The following CRTAP variants were observed in gnomAD, a reference collection of about 807,000 sequenced individuals.
CRTAP encodes the protein cartilage-associated protein.
A neutral mutation model predicts 42.7 loss-of-function variants in CRTAP; 33 were observed. That is an observed-to-expected ratio of 0.77 (90% confidence interval 0.59 to 1.03). CRTAP has a LOEUF of 1.03. CRTAP is among the 50% of genes least tolerant of loss of function. The pLI, the probability that CRTAP is intolerant of heterozygous loss-of-function variation, is 0.00. For missense variants in CRTAP, 613 were observed against 533.9 expected (o/e 1.15, Z -1.46); for synonymous variants, 243 against 217.7 (o/e 1.12, Z -1.02).
chr3:33,137,617 A>G (rs1473020821), intron 6 of CRTAP, among the ~76,000 whole-genome samples: 1 of 152,224 alleles, frequency 6.6e-6, no homozygotes, highest in Non-Finnish European at 1.5e-5. Flanking sequence ...TATCAGATAT[A>G]TGAATTGTAG....
intron 3 of CRTAP, among the ~76,000 whole-genome samples, chr3:33,126,390 A>G (rs1195515949): frequency 6.6e-6 from 1 of 152,082 alleles, no homozygotes; most frequent in Admixed American, 6.6e-5. Context: ...AGAGATTCCC[A>G]TGGTCTGGGT....
chr3:33,145,623 A>T lies in CRTAP; in HGVS notation c.*3175A>T, dbSNP rs1426219688. The T allele has an allele frequency of 6.6e-6, 1 of 152,330 alleles. No individual in the cohort carries two copies. Among genetic ancestry groups the T allele is most frequent in the Non-Finnish European group, 1.5e-5 (1 of 68,126 alleles). The allele number at this position is 152,330 out of a possible 1,614,324, so 9.4% of individuals were successfully genotyped here. A position where few individuals can be genotyped will look rare whatever the true frequency, so the allele number is the denominator to read the frequency against. On this transcript the variant is annotated 3_prime_UTR_variant, in exon 7 of 7. Transcript: ENST00000320954. The surrounding 1 kb of genome is among the most constrained non-coding windows in gnomAD (Gnocchi z 4.3). ...TGAGTCTGTAAATAGTGTGCCCAGC[A>T]GCTGTGAACTCCCCTTATAGCCTCA...
intron 1 of CRTAP, among the ~76,000 whole-genome samples, chr3:33,118,046 C>T (rs1021340247): frequency 7.9e-5 from 12 of 151,982 alleles, no homozygotes; most frequent in African/African-American, 2.9e-4. Context: ...CTGCAACCTC[C>T]GCCCCCCGGG....
At chr3:33,128,026 G>A (rs2030131345) in intron 3 of CRTAP, among the ~76,000 whole-genome samples, 1 of 152,106 alleles carries the variant, frequency 6.6e-6, no homozygotes, top group African/African-American at 2.4e-5. Context: ...GGGATTATAG[G>A]CTTGAGCCAC....
At chr3:33,142,316 C>G in intron 6 of CRTAP, 79 bp from the exon 7 acceptor site, 1 of 1,334,766 alleles carries the variant, frequency 7.5e-7, no homozygotes, top group East Asian at 2.3e-5. Flanking sequence ...GATGGCCTCT[C>G]GGGATACTGT....
At chr3:33,138,360 T>C (rs568314978) in intron 6 of CRTAP, among the ~76,000 whole-genome samples, 1 of 152,192 alleles carries the variant, frequency 6.6e-6, no homozygotes, top group Non-Finnish European at 1.5e-5. Context: ...TAATATTGTC[T>C]TCTAATCCAT....
rs200329563 is a variant in CRTAP at position 33,129,539 on chromosome 3, T to C, written c.794-400T>C. ...GTTGAAAATATTTTTCTTTTTCTTT[T>C]TTTTTTTTTTTTTTTGGAGACGGAG... On this transcript the variant is annotated intron_variant, in intron 3 of 6. Coordinates refer to ENST00000320954, the MANE Select transcript of CRTAP (RefSeq NM_006371.5). Among the ~76,000 whole-genome samples, 120 of 144,444 alleles carry C rather than the reference T, an allele frequency of 8.3e-4. 1 individual carries two copies. In the East Asian group the frequency reaches 0.022, roughly 27 times the overall value. 94.8% of individuals were successfully genotyped at this position (144,444 alleles called of 152,430 possible).
chr3:33,125,503 T>TG (rs1268369767), intron 3 of CRTAP, among the ~76,000 whole-genome samples: 3 of 146,396 alleles, frequency 2.0e-5, no homozygotes, highest in South Asian at 4.4e-4. Context: ...TTTTTTTTTT[T>TG]TTTTTTTTTT....
intron 6 of CRTAP, among the ~76,000 whole-genome samples, chr3:33,136,650 G>A (rs2030425946): frequency 1.3e-5 from 2 of 152,180 alleles, no homozygotes; most frequent in Admixed American, 1.3e-4. Context: ...GGCTTCTGGT[G>A]AGGTCTCAGG....
At position 33,146,072 on chromosome 3, in the gene CRTAP, A is replaced by G. The variant is rs1431716110; in HGVS notation, c.*3624A>G. 2.0e-5 allele frequency: 3 copies of G among 151,968 alleles called. No homozygotes were observed. The highest frequency in any genetic ancestry group is 4.4e-5 in the Non-Finnish European group (3 of 68,006). The allele number at this position is 151,968 out of a possible 1,614,324, so 9.4% of individuals were successfully genotyped here. A position where few individuals can be genotyped will look rare whatever the true frequency, so the allele number is the denominator to read the frequency against. The stretch of plus-strand genomic sequence containing the variant: ...CTGGGCTGGGTCTTCCAAACCTACC[A>G]TGAAACCCTGGTGTGCAGGCTGCAC... On this transcript the variant is annotated 3_prime_UTR_variant, in exon 7 of 7. Transcript: ENST00000320954.
chr3:33,120,454 C>T lies in CRTAP; in HGVS notation c.582C>T (p.Ala194=), dbSNP rs149165428. ...NMAYYKSLPG[A]EDYIKDLETK... Reference sequence around the variant, plus strand: ...CATATTATAAGAGCCTGCCTGGTGCCGAGGACTACATTAAAGACCTGGAAA... The same window carrying T: ...CATATTATAAGAGCCTGCCTGGTGCTGAGGACTACATTAAAGACCTGGAAA... Residue 194 remains alanine, a synonymous_variant, in exon 2 of 7, where the codon GCC becomes GCT. Coordinates refer to ENST00000320954, the MANE Select transcript of CRTAP (RefSeq NM_006371.5). 70 of 1,610,986 alleles carry T rather than the reference C, an allele frequency of 4.3e-5. No individual in the cohort carries two copies. The highest frequency in any genetic ancestry group is 1.1e-4 in the South Asian group (10 of 91,002).
intron 6 of CRTAP, among the ~76,000 whole-genome samples, chr3:33,135,566 A>G (rs1322436421): frequency 6.6e-6 from 1 of 151,670 alleles, no homozygotes; most frequent in African/African-American, 2.4e-5. Flanking sequence ...ATATTGCGCC[A>G]TTGCACTCCA....
At chr3:33,125,858 G>T (rs183474870) in intron 3 of CRTAP, among the ~76,000 whole-genome samples, 2 of 152,262 alleles carry the variant, frequency 1.3e-5, no homozygotes, top group Admixed American at 1.3e-4. Context: ...TTTCAGAAAT[G>T]TCATAAATAC....
chr3:33,135,198 A>G (rs2030385334), intron 6 of CRTAP, among the ~76,000 whole-genome samples: 1 of 152,220 alleles, frequency 6.6e-6, no homozygotes, highest in Non-Finnish European at 1.5e-5. Context: ...AAGTGATGCA[A>G]TGCCTATGTC....
At chr3:33,121,411 C>CAAAAAAAAAAA (rs59483352) in intron 2 of CRTAP, among the ~76,000 whole-genome samples, 11 of 147,528 alleles carry the variant, frequency 7.5e-5, no homozygotes, top group African/African-American at 2.9e-4. Flanking sequence ...GACTCTGTCT[C>CAAAAAAAAAAA]AAAAAAAATG....
intron 3 of CRTAP, among the ~76,000 whole-genome samples, chr3:33,129,504 C>A (rs1209985957): frequency 6.7e-6 from 1 of 149,334 alleles, no homozygotes; most frequent in African/African-American, 2.5e-5. Context: ...ATTTTCAGCT[C>A]CTTGTAGGTG....
At chr3:33,131,901 G>A (rs1313278411) in intron 4 of CRTAP, among the ~76,000 whole-genome samples, 5 of 152,078 alleles carry the variant, frequency 3.3e-5, no homozygotes, top group African/African-American at 1.2e-4. Flanking sequence ...ATACATACCA[G>A]GGGCTTGTGT....
chr3:33,135,668 C>A (rs1233957121), intron 6 of CRTAP, among the ~76,000 whole-genome samples: 1 of 150,794 alleles, frequency 6.6e-6, no homozygotes, highest in African/African-American at 2.4e-5. Flanking sequence ...AAGTTGAGTT[C>A]CCAGTTATCT....
At chr3:33,114,610 A>G (rs1173723856) in intron 1 of CRTAP, 62 bp downstream of exon 1, 3 of 1,489,290 alleles carry the variant, frequency 2.0e-6, no homozygotes, top group Non-Finnish European at 2.7e-6. Flanking sequence ...TCCAGGCCCT[A>G]GCCCCGCCCC....
Sources: gnomAD v4.1 joint callset for allele counts (sites outside exome capture counted in the v4.1 genomes callset) on GRCh38, gnomAD v4.1.1 for gene constraint, Gnocchi (gnomAD v3.1) non-coding constraint, MANE v1.5 for transcripts, NCBI Gene and HGNC (gene_info 2026-07-23, HGNC 2026-07-21) for gene names.